CHCHD6: variants seen among roughly 807,000 people sequenced by gnomAD.
CHCHD6 encodes coiled-coil-helix-coiled-coil-helix domain containing 6.
Under a neutral mutation model 32.3 loss-of-function variants are expected in CHCHD6, and 28 were observed. The ratio of observed to expected loss-of-function variants is 0.87; its 90% CI spans 0.64 to 1.19. The LOEUF is 1.19. Among genes scored for constraint, CHCHD6 ranks in the 50% most tolerant of loss-of-function variants. The pLI is 0.00. For synonymous variants in CHCHD6, 122 were observed against 117.5 expected (o/e 1.04, Z -0.25); for missense variants, 333 against 307.0 (o/e 1.08, Z -0.63).
rs1033946187 is a variant in CHCHD6 at position 126,737,402 on chromosome 3, A to ATATATC, written c.411+4185_411+4186insCTATAT. Among the ~76,000 whole-genome samples, 5 of 142,096 alleles carry ATATATC rather than the reference A, an allele frequency of 3.5e-5. No homozygotes were observed. In the Admixed American group the frequency reaches 3.5e-4, roughly 10 times the overall value. 93.2% of individuals were successfully genotyped at this position (142,096 alleles called of 152,430 possible). A position where few individuals can be genotyped will look rare whatever the true frequency, so the allele number is the denominator to read the frequency against. ...TTATGATGTGTGAGTATATATATATATATATATATATATATATGCACACAA... is the reference window on the plus strand; with the variant it reads ...TTATGATGTGTGAGTATATATATATATATATCTATATATATATATATATGCACACAA... On this transcript the variant is annotated intron_variant, in intron 4 of 7. Transcript: ENST00000290913.
At chr3:126,903,730 G>T (rs1171252584) in intron 5 of CHCHD6, among the ~76,000 whole-genome samples, 1 of 152,198 alleles carries the variant, frequency 6.6e-6, no homozygotes, top group Non-Finnish European at 1.5e-5. Context: ...TGCCAGTGGA[G>T]TGATTACGGC....
intron 4 of CHCHD6, among the ~76,000 whole-genome samples, chr3:126,756,166 AC>A (rs1422013114): frequency 6.6e-6 from 1 of 151,852 alleles, no homozygotes; most frequent in African/African-American, 2.4e-5. Flanking sequence ...TTCTTCACCA[AC>A]CCCTCTGCCC....
intron 4 of CHCHD6, among the ~76,000 whole-genome samples, chr3:126,812,538 C>G (rs1020412236): frequency 2.6e-5 from 4 of 151,854 alleles, no homozygotes; most frequent in African/African-American, 7.3e-5. Flanking sequence ...ATTCTCCTGC[C>G]TCAGTTTCCC....
At chr3:126,937,326 T>G (rs1211360404) in intron 6 of CHCHD6, among the ~76,000 whole-genome samples, 3 of 152,192 alleles carry the variant, frequency 2.0e-5, no homozygotes, top group Non-Finnish European at 4.4e-5. Context: ...TCTAAGATTC[T>G]GAGGGACCAG....
chr3:126,927,860 T>C (rs1342216478), intron 6 of CHCHD6, among the ~76,000 whole-genome samples: 1 of 152,238 alleles, frequency 6.6e-6, no homozygotes, highest in Non-Finnish European at 1.5e-5. Context: ...CCCCTATTCC[T>C]GTTCTTTAGA....
chr3:126,811,767 C>T (rs1378005060), intron 4 of CHCHD6, among the ~76,000 whole-genome samples: 1 of 152,196 alleles, frequency 6.6e-6, no homozygotes, highest in Non-Finnish European at 1.5e-5. Flanking sequence ...TTAGCTCCTT[C>T]CTCAAAGGGA....
rs114112575 is a variant in CHCHD6, at chr3:126,762,838, A to G, written c.411+29616A>G. Among the ~76,000 whole-genome samples the G allele has an allele frequency of 7.0e-3, 1,058 of 152,012 alleles. 12 individuals are homozygous for G. Among genetic ancestry groups the G allele is most frequent in the African/African-American group, 0.024 (1,013 of 41,442 alleles). ...ATATCCTTTTTTGTTTCTTGTGACT[A>G]TTTTGTACTTAAAGTCTACTTTATT... On this transcript the variant is annotated intron_variant, in intron 4 of 7. Coordinates refer to ENST00000290913, the MANE Select transcript of CHCHD6 (RefSeq NM_032343.3).
chr3:126,865,697 A>AT, intron 5 of CHCHD6: 14 of 985,210 alleles, frequency 1.4e-5, no homozygotes, highest in Non-Finnish European at 1.7e-5. Flanking sequence ...TTACCACCAC[A>AT]TATTACCCTC....
At chr3:126,830,879 C>G (rs1940609697) in intron 4 of CHCHD6, among the ~76,000 whole-genome samples, 1 of 152,208 alleles carries the variant, frequency 6.6e-6, no homozygotes, top group African/African-American at 2.4e-5. Context: ...TTTCTGGCCT[C>G]ATTCCCTGTC....
intron 4 of CHCHD6, among the ~76,000 whole-genome samples, chr3:126,843,962 AT>A (rs1219882459): frequency 6.6e-6 from 1 of 152,136 alleles, no homozygotes; most frequent in Admixed American, 6.5e-5. Context: ...TTCCAAGTCT[AT>A]TTTTAGGAAC....
At chr3:126,734,523 A>G (rs1184610974) in intron 4 of CHCHD6, among the ~76,000 whole-genome samples, 11 of 152,216 alleles carry the variant, frequency 7.2e-5, no homozygotes, top group Admixed American at 7.2e-4. Context: ...CAAATGTTTG[A>G]AGTGTGCAGT....
intron 5 of CHCHD6, among the ~76,000 whole-genome samples, chr3:126,872,145 G>C (rs1159168264): frequency 6.6e-6 from 1 of 152,200 alleles, no homozygotes; most frequent in African/African-American, 2.4e-5. Flanking sequence ...ACTGAGGGAA[G>C]GATACTGTTG....
intron 6 of CHCHD6, among the ~76,000 whole-genome samples, chr3:126,936,891 A>C (rs1030957349): frequency 6.6e-6 from 1 of 152,156 alleles, no homozygotes; most frequent in Non-Finnish European, 1.5e-5. Flanking sequence ...GAAAACTGAT[A>C]ATTCCATATG....
chr3:126,957,735 T>A, intron 7 of CHCHD6, 184 bp downstream of exon 7: 1 of 735,784 alleles, frequency 1.4e-6, no homozygotes, highest in Non-Finnish European at 2.3e-6. Flanking sequence ...CTCTCCTGGC[T>A]GCTTCCAGGA....
intron 4 of CHCHD6, among the ~76,000 whole-genome samples, chr3:126,763,322 CT>C (rs1195340564): frequency 1.4e-5 from 2 of 143,888 alleles, no homozygotes; most frequent in African/African-American, 5.2e-5. Flanking sequence ...CTTTTTCCCC[CT>C]CTTCTCCCTC....
chr3:126,734,418 A>G (rs916959696), intron 4 of CHCHD6, among the ~76,000 whole-genome samples: 1 of 152,202 alleles, frequency 6.6e-6, no homozygotes, highest in East Asian at 1.9e-4. Context: ...AGGGGGTTGA[A>G]CACGATGTGA....
intron 1 of CHCHD6, among the ~76,000 whole-genome samples, chr3:126,726,571 C>T (rs1935545591): frequency 6.6e-6 from 1 of 152,090 alleles, no homozygotes; most frequent in African/African-American, 2.4e-5. Context: ...AATGTGTTAT[C>T]TGCAAAGTGG....
At chr3:126,824,576 A>AAAAAAAAAAAAAAAAAAAAAAAAT (rs1940305925) in intron 4 of CHCHD6, among the ~76,000 whole-genome samples, 1 of 149,328 alleles carries the variant, frequency 6.7e-6, no homozygotes, top group Admixed American at 6.8e-5. Flanking sequence ...AAAAAAAAAA[A>AAAAAAAAAAAAAAAAAAAAAAAAT]AAAAAGTCAA....
At chr3:126,791,049 T>C (rs981642092) in intron 4 of CHCHD6, among the ~76,000 whole-genome samples, 4 of 152,194 alleles carry the variant, frequency 2.6e-5, no homozygotes, top group African/African-American at 9.7e-5. Context: ...ACAGTCAGGG[T>C]CCTCAGCTGC....
Sources: allele counts gnomAD v4.1 joint callset (sites outside exome capture counted in the v4.1 genomes callset), GRCh38; gene constraint gnomAD v4.1.1; transcripts MANE v1.5; gene names NCBI Gene and HGNC (gene_info 2026-07-23, HGNC 2026-07-21).